The following GRID2 variants were observed in gnomAD, a reference collection of about 807,000 sequenced individuals.
The protein encoded by GRID2 is glutamate ionotropic receptor delta type subunit 2.
Under a neutral mutation model 114.8 loss-of-function variants are expected in GRID2, and 33 were observed. That is an observed-to-expected ratio of 0.29 (90% CI 0.22 to 0.38). The LOEUF (loss-of-function observed/expected upper bound fraction) is 0.38. Among genes scored for constraint, GRID2 ranks in the 10% least tolerant of loss-of-function variants. GRID2 has a pLI of 1.00. For missense variants in GRID2, 1,184 were observed against 1,257.7 expected, an observed-to-expected ratio of 0.94 and a Z score of 0.89; for synonymous variants, 505 against 449.9, an observed-to-expected ratio of 1.12 and a Z score of -1.55.
At chr4:92,853,140 T>C (rs1346764820) in intron 2 of GRID2, among the ~76,000 whole-genome samples, 4 of 151,954 alleles carry the variant, frequency 2.6e-5, no homozygotes, top group Admixed American at 2.6e-4. Flanking sequence ...TGAGTGACTA[T>C]GGACAAGTTG....
At chr4:92,976,371 C>A (rs1385042579) in intron 2 of GRID2, among the ~76,000 whole-genome samples, 1 of 151,984 alleles carries the variant, frequency 6.6e-6, no homozygotes, top group African/African-American at 2.4e-5. Context: ...TTGTACCTAT[C>A]AATTCATGAA....
intron 13 of GRID2, among the ~76,000 whole-genome samples, chr4:93,551,877 G>GT (rs1733783816): frequency 5.3e-5 from 8 of 152,194 alleles, no homozygotes; most frequent in Admixed American, 5.2e-4. Flanking sequence ...ATTTAAATGT[G>GT]TTTTTTAATT....
At chr4:93,123,465 A>C (rs1312805337) in intron 4 of GRID2, among the ~76,000 whole-genome samples, 1 of 152,214 alleles carries the variant, frequency 6.6e-6, no homozygotes, top group Non-Finnish European at 1.5e-5. Context: ...TCAATTATTC[A>C]AACAATATAT....
intron 2 of GRID2, among the ~76,000 whole-genome samples, chr4:92,958,777 C>A (rs924730717): frequency 6.6e-6 from 1 of 152,016 alleles, no homozygotes; most frequent in Non-Finnish European, 1.5e-5. Flanking sequence ...TGGTAGAATT[C>A]ATGAGTGAAC....
chr4:93,631,502 G>A (rs991384176), intron 14 of GRID2, among the ~76,000 whole-genome samples: 1 of 152,204 alleles, frequency 6.6e-6, no homozygotes, highest in Non-Finnish European at 1.5e-5. Context: ...TGCTGAGAAT[G>A]ATGGTTTCCA....
chr4:93,392,994 A>G (rs985712038), intron 8 of GRID2, among the ~76,000 whole-genome samples: 1 of 152,042 alleles, frequency 6.6e-6, no homozygotes, highest in African/African-American at 2.4e-5. Context: ...CATGGCTGAC[A>G]CATAGAAAGT....
At chr4:92,364,115 T>TA (rs1346288709) in intron 1 of GRID2, among the ~76,000 whole-genome samples, 1 of 151,974 alleles carries the variant, frequency 6.6e-6, no homozygotes, top group South Asian at 2.1e-4. Flanking sequence ...TATCAAATTA[T>TA]AAAAAAGTAA....
intron 2 of GRID2, among the ~76,000 whole-genome samples, chr4:93,067,341 A>G (rs1039032934): frequency 6.6e-6 from 1 of 152,046 alleles, no homozygotes; most frequent in African/African-American, 2.4e-5. Context: ...TTATAAACAA[A>G]AGAAATGTAC....
chr4:92,677,742 T>A (rs1232048396), intron 2 of GRID2, among the ~76,000 whole-genome samples: 1 of 152,122 alleles, frequency 6.6e-6, no homozygotes, highest in Non-Finnish European at 1.5e-5. Context: ...TTATCCAGGA[T>A]TAGATCACTT....
chr4:93,530,171 G>A (rs1415862649), intron 13 of GRID2, among the ~76,000 whole-genome samples: 3 of 152,048 alleles, frequency 2.0e-5, no homozygotes, highest in Non-Finnish European at 2.9e-5. Flanking sequence ...CTGGACTACA[G>A]AAATAACTAA....
At chr4:92,449,317 A>G (rs1452820805) in intron 1 of GRID2, among the ~76,000 whole-genome samples, 1 of 152,074 alleles carries the variant, frequency 6.6e-6, no homozygotes, top group Admixed American at 6.6e-5. Flanking sequence ...ATAGGGAAAC[A>G]TCCAGTACAC....
intron 8 of GRID2, among the ~76,000 whole-genome samples, chr4:93,350,008 A>G (rs190385445): frequency 6.6e-6 from 1 of 152,218 alleles, no homozygotes; most frequent in African/African-American, 2.4e-5. Context: ...AAGACCAGGT[A>G]TCAGTGGCAT....
intron 2 of GRID2, among the ~76,000 whole-genome samples, chr4:92,659,874 T>G (rs2149268324): frequency 6.6e-6 from 1 of 151,618 alleles, no homozygotes; most frequent in Admixed American, 6.6e-5. Context: ...AGACTAGTTT[T>G]TCTTTAGTTA....
chr4:92,404,581 C>T (rs908785745), intron 1 of GRID2, among the ~76,000 whole-genome samples: 1 of 152,176 alleles, frequency 6.6e-6, no homozygotes, highest in Admixed American at 6.5e-5. Flanking sequence ...GAAACATGCA[C>T]ATGTATGTTC....
chr4:92,759,766 G>A (rs902167895), intron 2 of GRID2, among the ~76,000 whole-genome samples: 1 of 151,356 alleles, frequency 6.6e-6, no homozygotes. Flanking sequence ...ACCATGCCGG[G>A]CTTTTTTTTC....
chr4:92,366,001 T>A (rs1479395088), intron 1 of GRID2, among the ~76,000 whole-genome samples: 1 of 152,132 alleles, frequency 6.6e-6, no homozygotes, highest in Non-Finnish European at 1.5e-5. Flanking sequence ...ACACTTCATC[T>A]ATATTAAGTT....
chr4:93,293,420 A>T (rs181642516), intron 8 of GRID2, among the ~76,000 whole-genome samples: 26 of 152,320 alleles, frequency 1.7e-4, no homozygotes, highest in African/African-American at 4.8e-4. Context: ...TTCAAGACAA[A>T]AATAAGTGAA....
chr4:92,487,305 C>T (rs966914056), intron 1 of GRID2, among the ~76,000 whole-genome samples: 3 of 151,846 alleles, frequency 2.0e-5, no homozygotes, highest in South Asian at 2.1e-4. Flanking sequence ...TAAATTTAAA[C>T]ATTTAATATG....
At chr4:92,429,436 T>C (rs1319088069) in intron 1 of GRID2, among the ~76,000 whole-genome samples, 5 of 152,206 alleles carry the variant, frequency 3.3e-5, no homozygotes, top group African/African-American at 7.2e-5. Flanking sequence ...CTTAATTCTC[T>C]TTTATGCCCG....
Sources: allele counts gnomAD v4.1 joint callset (sites outside exome capture counted in the v4.1 genomes callset), GRCh38; gene constraint gnomAD v4.1.1; transcripts MANE v1.5; gene names NCBI Gene and HGNC (gene_info 2026-07-23, HGNC 2026-07-21).